Variants in EPG5 observed in about 807,000 individuals in gnomAD.
EPG5 encodes ectopic P-granules 5 autophagy tethering factor, also known as ectopic P granules protein 5 homolog.
EPG5 carries 159 observed loss-of-function variants against 302.7 expected under a neutral mutation model. That is an observed-to-expected ratio of 0.53 (90% CI 0.46 to 0.60). The LOEUF (loss-of-function observed/expected upper bound fraction) is 0.60. Among genes scored for constraint, EPG5 ranks in the 20% least tolerant of loss-of-function variants. EPG5 has a pLI of 0.00. For missense variants in EPG5, 2,896 were observed against 3,092.4 expected (o/e 0.94, Z 1.51); for synonymous variants, 1,158 against 1,136.8 (o/e 1.02, Z -0.37).
intron 32 of EPG5, among the ~76,000 whole-genome samples, chr18:45,879,754 T>C (rs916478498): frequency 9.9e-5 from 15 of 152,272 alleles, no homozygotes; most frequent in Admixed American, 2.6e-4. Context: ...ACAGAAAGGA[T>C]AAAACCCAGA....
Position 45,910,510 on chromosome 18 carries a change from A to G in EPG5, c.4205+11T>C, listed in dbSNP as rs748084699. ...AAACAACAATGTAGGTGGCTAAATA[A>G]CCATACTCACCTCACCAGCTCCTTG... On this transcript the variant is annotated intron_variant, in intron 23 of 43. Transcript: ENST00000282041. The G allele has an allele frequency of 7.4e-5, 117 of 1,581,728 alleles. No individual in the cohort carries two copies. The highest frequency in any genetic ancestry group is 9.4e-5 in the Non-Finnish European group (110 of 1,164,896).
chr18:45,819,357 C>G, the EPG5 span, among the ~76,000 whole-genome samples: 2 of 152,096 alleles, frequency 1.3e-5, no homozygotes, highest in Admixed American at 6.6e-5. Context: ...CTCTGCTTGG[C>G]AGGCTATTTA....
chr18:45,820,579 C>A, the EPG5 span, among the ~76,000 whole-genome samples: 1 of 151,916 alleles, frequency 6.6e-6, no homozygotes, highest in Non-Finnish European at 1.5e-5. Context: ...TCTGCCATTC[C>A]TCCTTGCTGC....
chr18:45,896,442 C>T (rs1897358099), intron 27 of EPG5, among the ~76,000 whole-genome samples: 1 of 152,222 alleles, frequency 6.6e-6, no homozygotes, highest in Non-Finnish European at 1.5e-5. Flanking sequence ...CAAAATACAG[C>T]TATTTTTTCA....
intron 14 of EPG5, 132 bp downstream of exon 14, chr18:45,925,606 C>G (rs1362838664): frequency 1.6e-6 from 1 of 609,718 alleles, no homozygotes; most frequent in Non-Finnish European, 2.6e-6. Context: ...AAATCCTAAA[C>G]TCTGACACAG....
chr18:45,942,688 G>A (rs2050698090), intron 9 of EPG5, among the ~76,000 whole-genome samples: 2 of 152,202 alleles, frequency 1.3e-5, no homozygotes, highest in African/African-American at 4.8e-5. Context: ...TAGTTTTATG[G>A]AGTTTCTTTT....
At position 45,858,570 on chromosome 18, in the gene EPG5, G is replaced by C. The variant is rs369134151; in HGVS notation, c.7222C>G (p.Pro2408Ala). The C allele has an allele frequency of 3.1e-6, 5 of 1,613,534 alleles. No individual in the cohort carries two copies. The African/African-American group carries it at 6.7e-5, about 22-fold the overall frequency. ...ACAGCCTGAGGGCCAACGTACCTTG[G>C]GTACACCTGTTCCAGCCACTTGCTT... ...ILSKWLEQVY[P>A]SSVEEEAKLF... is the part of the protein sequence containing the mutation. The change falls in exon 41 of 44, where the codon CCA becomes GCA. Residue 2408 changes from proline (P) to alanine (A), a missense_variant. By Grantham distance (27) the Pro-to-Ala change is conservative. This residue lies in a region of EPG5 where 620 missense variants were observed against 704.2 expected (regional missense o/e 0.88). Transcript: ENST00000282041.
intron 4 of EPG5, among the ~76,000 whole-genome samples, chr18:45,950,495 T>G (rs2050883721): frequency 6.6e-6 from 1 of 152,224 alleles, no homozygotes; most frequent in Admixed American, 6.5e-5. Flanking sequence ...ATGTACGAAG[T>G]GCCTTTTGCC....
intron 35 of EPG5, among the ~76,000 whole-genome samples, chr18:45,873,545 C>T (rs1270585593): frequency 6.6e-6 from 1 of 151,936 alleles, no homozygotes; most frequent in Non-Finnish European, 1.5e-5. Flanking sequence ...AATATATAGC[C>T]TTTATGATTA....
At chr18:45,837,575 G>C in the EPG5 span, 1 of 1,515,654 alleles carries the variant, frequency 6.6e-7, no homozygotes, top group Non-Finnish European at 8.8e-7. Flanking sequence ...GGCAGGCGAC[G>C]CGGCAGTGCT....
At chr18:45,878,578 T>A (rs1265945399) in intron 33 of EPG5, 130 bp from the exon 34 acceptor site, 2 of 631,410 alleles carry the variant, frequency 3.2e-6, no homozygotes, top group African/African-American at 1.8e-5. Context: ...ATAAACAACA[T>A]GCTTAGTGTA....
chr18:45,880,359 G>C (rs2049071089), intron 31 of EPG5, 136 bp from the exon 32 acceptor site: 2 of 818,578 alleles, frequency 2.4e-6, no homozygotes, highest in South Asian at 5.2e-5. Context: ...GGGATATCTG[G>C]GGTGAGGAGG....
the EPG5 span, among the ~76,000 whole-genome samples, chr18:45,813,764 A>G: frequency 6.8e-5 from 9 of 133,156 alleles, no homozygotes; most frequent in South Asian, 2.2e-3. Context: ...GGGGCCTGTC[A>G]TGGGGTGGGT....
chr18:45,931,707 C>T (rs562166440), intron 11 of EPG5, among the ~76,000 whole-genome samples: 56 of 151,974 alleles, frequency 3.7e-4, no homozygotes, highest in Non-Finnish European at 7.1e-4. Context: ...TGGTGGCACA[C>T]GCCTGTAGTC....
chr18:45,943,157 T>G lies in EPG5; in HGVS notation c.1943+4A>C. 3.1e-6 allele frequency: 5 copies of G among 1,614,074 alleles called. No homozygotes were observed. The highest frequency in any genetic ancestry group is 4.2e-6 in the Non-Finnish European group (5 of 1,179,964). ...AGAGAAGGGTAGAGCAACAGCAGTA[T>G]TACCTGATCATATAACCAATTCGCT... is the stretch of plus-strand genomic sequence containing the variant. On this transcript the variant is annotated splice_donor_region_variant and intron_variant, in intron 9 of 43. Transcript: ENST00000282041.
chr18:45,942,595 C>T (rs560790597), intron 9 of EPG5, among the ~76,000 whole-genome samples: 1 of 151,766 alleles, frequency 6.6e-6, no homozygotes, highest in African/African-American at 2.4e-5. Flanking sequence ...AAGAGCGAGA[C>T]TCATCTCAAA....
intron 35 of EPG5, among the ~76,000 whole-genome samples, chr18:45,873,172 C>T (rs1029792942): frequency 1.1e-4 from 17 of 152,180 alleles, no homozygotes; most frequent in African/African-American, 4.1e-4. Context: ...TTATTTTATT[C>T]ATATACAGGG....
chr18:45,898,511 T>C (rs1166149094), intron 27 of EPG5, among the ~76,000 whole-genome samples: 2 of 152,226 alleles, frequency 1.3e-5, no homozygotes, highest in African/African-American at 4.8e-5. Flanking sequence ...ATTCTGCCTA[T>C]ATTCCAGTGC....
In EPG5 at chr18:45,916,592, A is replaced by G. The variant is rs2050039388; in HGVS notation, c.3240-10T>C. 6.3e-7 allele frequency: 1 copy of G among 1,587,546 alleles called. No individual in the cohort carries two copies. The highest frequency in any genetic ancestry group is 1.7e-5 in the Admixed American group (1 of 59,432). On this transcript the variant is annotated splice_polypyrimidine_tract_variant and intron_variant, in intron 17 of 43. Transcript: ENST00000282041. ...GAGATGCGATAAAAACCTGCCAAGC[A>G]CACAGGAGGACGCACTTTACCTTCC... is the stretch of plus-strand genomic sequence containing the variant.
Sources: allele counts gnomAD v4.1 joint callset (sites outside exome capture counted in the v4.1 genomes callset), GRCh38; gene constraint gnomAD v4.1.1; regional missense constraint gnomAD v4.1.1; transcripts MANE v1.5; gene names NCBI Gene and HGNC (gene_info 2026-07-23, HGNC 2026-07-21).